The following DACH1 variants were observed in gnomAD, a reference collection of about 807,000 sequenced individuals.
The protein encoded by DACH1 is dachshund family transcription factor 1.
In DACH1, 12 loss-of-function variants were observed where a neutral mutation model predicts 54.2. That is an observed-to-expected ratio of 0.22 (90% CI 0.14 to 0.36). The LOEUF is 0.36. Ranked by LOEUF, DACH1 falls within the 10% of genes least tolerant of loss-of-function variation. The pLI, the probability that DACH1 is intolerant of heterozygous loss-of-function variation, is 1.00. For missense variants in DACH1, 805 were observed against 929.8 expected (o/e 0.87, Z 1.75); for synonymous variants, 386 against 366.2 (o/e 1.05, Z -0.62).
intron 1 of DACH1, among the ~76,000 whole-genome samples, chr13:71,835,794 A>T (rs1173997300): frequency 8.7e-6 from 1 of 114,974 alleles, no homozygotes; most frequent in Non-Finnish European, 2.3e-5. Flanking sequence ...ATCTTCTAGC[A>T]AACAACAACA....
chr13:71,784,824 A>G (rs796998064), intron 1 of DACH1, among the ~76,000 whole-genome samples: 15 of 152,280 alleles, frequency 9.9e-5, no homozygotes, highest in African/African-American at 3.6e-4. Context: ...AAGAATTTCT[A>G]TCATAATAAA....
At chr13:71,496,125 T>C (rs1298000767) in intron 6 of DACH1, among the ~76,000 whole-genome samples, 1 of 151,186 alleles carries the variant, frequency 6.6e-6, no homozygotes, top group African/African-American at 2.4e-5. Flanking sequence ...CCCAGCTATT[T>C]GGAGGGCTGA....
At chr13:71,818,644 C>A (rs866267115) in intron 1 of DACH1, among the ~76,000 whole-genome samples, 45 of 152,318 alleles carry the variant, frequency 3.0e-4, no homozygotes, top group African/African-American at 1.1e-3. Context: ...ACTGCCCAGT[C>A]CATCCTCCAG....
At chr13:71,556,875 G>A in intron 6 of DACH1, 149 bp downstream of exon 6, 1 of 773,898 alleles carries the variant, frequency 1.3e-6, no homozygotes, top group Non-Finnish European at 1.9e-6. Context: ...GAATGAATAG[G>A]TTTAATTTGT....
rs1252305048 is a variant in DACH1, at chr13:71,779,200, T to C, written c.848+86722A>G. On this transcript the variant is annotated intron_variant, in intron 1 of 10. Coordinates refer to ENST00000613252, the MANE Select transcript of DACH1 (RefSeq NM_080759.6). ...ATACACATATATACGTATATACGTATATATGTGTATATATATACGTATATA... is the reference window on the plus strand; with the variant it reads ...ATACACATATATACGTATATACGTACATATGTGTATATATATACGTATATA... 2.8e-4 allele frequency among the ~76,000 whole-genome samples: 33 copies of C among 116,086 alleles called. 1 individual carries two copies. Among genetic ancestry groups the C allele is most frequent in the Non-Finnish European group, 4.5e-4 (26 of 57,574 alleles). The allele number at this position is 116,086 out of a possible 152,430, so 76.2% of individuals were successfully genotyped here. A position where few individuals can be genotyped will look rare whatever the true frequency, so the allele number is the denominator to read the frequency against.
chr13:71,589,312 T>C (rs574970203), intron 3 of DACH1, among the ~76,000 whole-genome samples: 1 of 152,080 alleles, frequency 6.6e-6, no homozygotes, highest in Non-Finnish European at 1.5e-5. Flanking sequence ...AACTGTCAAC[T>C]CTAATTTCGA....
At chr13:71,700,339 C>T (rs1282055374) in intron 1 of DACH1, among the ~76,000 whole-genome samples, 2 of 151,928 alleles carry the variant, frequency 1.3e-5, no homozygotes, top group African/African-American at 2.4e-5. Flanking sequence ...GGGCGGATCA[C>T]GAGGTCAGGA....
chr13:71,525,460 A>G (rs1331719426), intron 6 of DACH1, among the ~76,000 whole-genome samples: 1 of 152,152 alleles, frequency 6.6e-6, no homozygotes, highest in African/African-American at 2.4e-5. Flanking sequence ...AATAAATATT[A>G]TTTTAAACAA....
chr13:71,719,492 G>T (rs968315526), intron 1 of DACH1, among the ~76,000 whole-genome samples: 1 of 152,092 alleles, frequency 6.6e-6, no homozygotes, highest in African/African-American at 2.4e-5. Context: ...AATAGACATA[G>T]ATTTTTTTCT....
rs368449268 is a variant in DACH1, at chr13:71,517,811, A to G, written c.1571-28663T>C. 5.3e-5 allele frequency among the ~76,000 whole-genome samples: 8 copies of G among 151,992 alleles called. No homozygotes were observed. In the East Asian group the frequency reaches 1.6e-3, roughly 30 times the overall value. On this transcript the variant is annotated intron_variant, in intron 6 of 10. Transcript: ENST00000613252. ...TTTCTCAGGTCAAAAATCAATCTCT[A>G]TCAAGCAAATTAATTTTACTCCTTG...
At position 71,866,305 on chromosome 13, in the gene DACH1, G is replaced by A; in HGVS notation, c.465C>T (p.Ser155=). Residue 155 remains serine, a synonymous_variant, in exon 1 of 11, where the codon AGC becomes AGT. Coordinates refer to ENST00000613252, the MANE Select transcript of DACH1 (RefSeq NM_080759.6). ...AGCTGCTGCTGCTACTGCTGCTGCT[G>A]CTACTACTGCTGCTGCTGCTGCTGC... ...SSSSSSSSSS[S]SSSSSSSSCG... 1.9e-6 allele frequency: 3 copies of A among 1,555,010 alleles called. No individual in the cohort carries two copies. The highest frequency in any genetic ancestry group is 2.4e-5 in the East Asian group (1 of 41,258).
Position 71,438,138 on chromosome 13 carries a change from C to A in DACH1, c.*2517G>T, listed in dbSNP as rs1248199255. ...AACAGATTTTTGTACAGATTTTGTA[C>A]AACAAAATTCGTAATAACCTTTTAT... On this transcript the variant is annotated 3_prime_UTR_variant, in exon 11 of 11. Coordinates refer to ENST00000613252, the MANE Select transcript of DACH1 (RefSeq NM_080759.6). 2.0e-5 allele frequency: 3 copies of A among 152,256 alleles called. No homozygotes were observed. Among genetic ancestry groups the A allele is most frequent in the African/African-American group, 4.8e-5 (2 of 41,410 alleles). The allele number at this position is 152,256 out of a possible 1,614,324, so 9.4% of individuals were successfully genotyped here.
chr13:71,865,992 C>G lies in DACH1; in HGVS notation c.778G>C (p.Gly260Arg). ...ILRGLGAIQP[G>R]VNRCKLISRK... is the part of the protein sequence containing the mutation. ...GAGATGAGTTTGCAGCGGTTCACTCCTGGCTGGATGGCGCCCAGTCCCCTC... is the reference window on the plus strand; with the variant it reads ...GAGATGAGTTTGCAGCGGTTCACTCGTGGCTGGATGGCGCCCAGTCCCCTC... The change falls in exon 1 of 11, where the codon GGA becomes CGA. Residue 260 changes from glycine (G) to arginine (R), a missense_variant. Physicochemically the swap from Gly to Arg is moderately radical, Grantham distance 125. Around this residue, in one of 3 missense-constraint regions of DACH1, gnomAD observed 28 missense variants for 75.7 expected, o/e 0.37. Coordinates refer to ENST00000613252, the MANE Select transcript of DACH1 (RefSeq NM_080759.6). 6.2e-7 allele frequency: 1 copy of G among 1,614,048 alleles called. No individual in the cohort carries two copies. The highest frequency in any genetic ancestry group is 1.3e-5 in the African/African-American group (1 of 75,026).
intron 6 of DACH1, among the ~76,000 whole-genome samples, chr13:71,502,144 T>C (rs766932565): frequency 6.6e-6 from 1 of 152,088 alleles, no homozygotes; most frequent in Non-Finnish European, 1.5e-5. Flanking sequence ...AGAAGGCAAA[T>C]GTAGAGATTT....
At chr13:71,531,111 A>G (rs1882385694) in intron 6 of DACH1, among the ~76,000 whole-genome samples, 1 of 152,128 alleles carries the variant, frequency 6.6e-6, no homozygotes, top group South Asian at 2.1e-4. Context: ...CTCTTGTTAG[A>G]TACTAAACAA....
At chr13:71,840,442 G>C (rs1376231600) in intron 1 of DACH1, among the ~76,000 whole-genome samples, 1 of 151,982 alleles carries the variant, frequency 6.6e-6, no homozygotes, top group Non-Finnish European at 1.5e-5. Flanking sequence ...ATCACAGAGG[G>C]CCCTTCTTGA....
intron 1 of DACH1, among the ~76,000 whole-genome samples, chr13:71,784,352 T>C (rs527284088): frequency 1.2e-4 from 19 of 152,210 alleles, no homozygotes; most frequent in Non-Finnish European, 2.8e-4. Flanking sequence ...AGTGGTAGAA[T>C]AAAGCTAGAA....
chr13:71,780,951 T>G (rs1490927162), intron 1 of DACH1, among the ~76,000 whole-genome samples: 1 of 152,024 alleles, frequency 6.6e-6, no homozygotes, highest in African/African-American at 2.4e-5. Context: ...ATGGGCAACA[T>G]AGCGAGACCT....
chr13:71,598,875 T>C (rs1874299455), intron 3 of DACH1, among the ~76,000 whole-genome samples: 1 of 152,164 alleles, frequency 6.6e-6, no homozygotes, highest in Non-Finnish European at 1.5e-5. Flanking sequence ...ATCTGGTGAT[T>C]TTCCACATTT....
Sources: allele counts gnomAD v4.1 joint callset (sites outside exome capture counted in the v4.1 genomes callset), GRCh38; gene constraint gnomAD v4.1.1; regional missense constraint gnomAD v4.1.1; transcripts MANE v1.5; gene names NCBI Gene and HGNC (gene_info 2026-07-23, HGNC 2026-07-21).